SLC8A2: variants seen among roughly 807,000 people sequenced by gnomAD.
SLC8A2 encodes solute carrier family 8 member A2, also known as sodium/calcium exchanger 2.
Under a neutral mutation model 70.2 loss-of-function variants are expected in SLC8A2, and 14 were observed. The observed-to-expected ratio is 0.20, with a 90% confidence interval of 0.13 to 0.31. SLC8A2 has a LOEUF of 0.31. Ranked by LOEUF, SLC8A2 falls within the 10% of genes least tolerant of loss-of-function variation. The pLI is 1.00. For missense variants in SLC8A2, 779 were observed against 1,320.1 expected, an observed-to-expected ratio of 0.59 and a Z score of 6.35; for synonymous variants, 575 against 594.3, an observed-to-expected ratio of 0.97 and a Z score of 0.47.
chr19:47,436,214 C>T (rs1041208201), intron 8 of SLC8A2, among the ~76,000 whole-genome samples: 2 of 152,176 alleles, frequency 1.3e-5, no homozygotes, highest in Non-Finnish European at 2.9e-5. Context: ...GCCACCCCCT[C>T]CAGGAAGCCC....
At chr19:47,470,960 C>T (rs1386816440) in intron 1 of SLC8A2, among the ~76,000 whole-genome samples, 7 of 151,622 alleles carry the variant, frequency 4.6e-5, no homozygotes. Context: ...GCCCACTCTG[C>T]GGGTGGGGGG....
intron 1 of SLC8A2, among the ~76,000 whole-genome samples, chr19:47,470,348 T>TACACAC (rs71180846): frequency 0.059 from 8,285 of 139,318 alleles, 283 homozygotes; most frequent in Middle Eastern, 0.12. Flanking sequence ...GGAGACATCA[T>TACACAC]ACACACACAC....
chr19:47,466,885 C>T lies in SLC8A2; in HGVS notation c.-16-466G>A, dbSNP rs1368125020. 6.6e-6 allele frequency among the ~76,000 whole-genome samples: 1 copy of T among 151,904 alleles called. No individual in the cohort carries two copies. Among genetic ancestry groups the T allele is most frequent in the Middle Eastern group, 3.4e-3 (1 of 294 alleles). On this transcript the variant is annotated intron_variant, in intron 1 of 9. Coordinates refer to ENST00000236877, the MANE Select transcript of SLC8A2 (RefSeq NM_015063.3). This position sits in a 1 kb window ranked among gnomAD's most constrained non-coding sequence, Gnocchi z 6.9. The stretch of plus-strand genomic sequence containing the variant: ...CAGCCTGGCCAACATGGTGAAACCC[C>T]GTCTCTACTAAAAATACAAAAATTA...
rs1464346035 is a variant in SLC8A2 at position 47,466,594 on chromosome 19, AG to A, written c.-16-176del. Among the ~76,000 whole-genome samples, 136 of 152,110 alleles carry A rather than the reference AG, an allele frequency of 8.9e-4. 2 individuals carry two copies. Among genetic ancestry groups the A allele is most frequent in the Admixed American group, 1.9e-3 (29 of 15,278 alleles). ...GTGACAGACAGAGACCCACAGAGAG[AG>A]AGAGAGACTGAAAGATAAGGACAGA... On this transcript the variant is annotated intron_variant, in intron 1 of 9. Transcript: ENST00000236877. The surrounding 1 kb of genome is among the most constrained non-coding windows in gnomAD (Gnocchi z 6.9).
chr19:47,444,194 C>A (rs111252260), intron 4 of SLC8A2, among the ~76,000 whole-genome samples: 1 of 152,098 alleles, frequency 6.6e-6, no homozygotes, highest in Admixed American at 6.6e-5. Flanking sequence ...GCACCTGGCC[C>A]GCCCTTCTTT....
chr19:47,446,083 C>T (rs987178516), intron 4 of SLC8A2, among the ~76,000 whole-genome samples: 8 of 152,066 alleles, frequency 5.3e-5, no homozygotes, highest in African/African-American at 1.4e-4. Context: ...GAGGGAGAGA[C>T]GGAGAGACAG....
intron 3 of SLC8A2, among the ~76,000 whole-genome samples, chr19:47,452,408 G>A (rs1474821408): frequency 2.2e-4 from 13 of 60,374 alleles, no homozygotes; most frequent in African/African-American, 7.5e-4. Flanking sequence ...GAGAGAGAGA[G>A]AGAGAGAGAG....
chr19:47,452,437 A>T (rs1195668683), intron 3 of SLC8A2, among the ~76,000 whole-genome samples: 15 of 87,322 alleles, frequency 1.7e-4, no homozygotes, highest in African/African-American at 5.0e-4. Flanking sequence ...AGAGAGAGAG[A>T]GAGAGAGAGT....
intron 3 of SLC8A2, among the ~76,000 whole-genome samples, chr19:47,452,431 AGAGAGAGAGAGAGAGTGTGTGTGT>A (rs1350561999): frequency 8.5e-5 from 9 of 105,576 alleles, no homozygotes; most frequent in Admixed American, 3.2e-4. Flanking sequence ...AGAGAGAGAG[AGAGAGAGAGAGAGAGTGTGTGTGT>A]GTGTGTGTGT....
chr19:47,460,248 G>A (rs936963371), intron 2 of SLC8A2, among the ~76,000 whole-genome samples: 5 of 152,200 alleles, frequency 3.3e-5, no homozygotes, highest in Admixed American at 1.3e-4. Context: ...CACAGCCAGG[G>A]CAGCTCTGAG....
At chr19:47,460,276 C>T (rs1213308154) in intron 2 of SLC8A2, among the ~76,000 whole-genome samples, 2 of 152,214 alleles carry the variant, frequency 1.3e-5, no homozygotes, top group Non-Finnish European at 2.9e-5. Flanking sequence ...CCTGGCTTTA[C>T]CACAGGGATG....
chr19:47,459,891 A>G (rs570040625), intron 2 of SLC8A2, among the ~76,000 whole-genome samples: 7 of 152,250 alleles, frequency 4.6e-5, no homozygotes, highest in African/African-American at 1.7e-4. Flanking sequence ...CCAGCTGCCC[A>G]GGTGCCAGGA....
chr19:47,458,893 A>G (rs1599857469), intron 2 of SLC8A2, among the ~76,000 whole-genome samples: 1 of 135,046 alleles, frequency 7.4e-6, no homozygotes, highest in Admixed American at 7.6e-5. Flanking sequence ...CTCTCTCCCC[A>G]TCTCTCTCTC....
Position 47,457,404 on chromosome 19 carries a change from G to A in SLC8A2, c.866C>T (p.Ala289Val). ...GCCGCCCAGCTCACCTGGGGCCTCG[G>A]CGCCCACGAACGTGCCGTCCAGCTC... ...SIELDGTFVG[A>V]EAPGELGGLG... The change falls in exon 3 of 10, where the codon GCC becomes GTC. Residue 289 changes from alanine (A) to valine (V), a missense_variant. Ala to Val is a moderately conservative substitution (Grantham distance 64). Coordinates refer to ENST00000236877, the MANE Select transcript of SLC8A2 (RefSeq NM_015063.3). 1 of 1,572,432 alleles carries A rather than the reference G, an allele frequency of 6.4e-7. No homozygotes were observed. Among genetic ancestry groups the A allele is most frequent in the Non-Finnish European group, 8.6e-7 (1 of 1,161,806 alleles).
At position 47,447,495 on chromosome 19, in the gene SLC8A2, C is replaced by G. The variant is rs1967179614; in HGVS notation, c.1763+314G>C. Reference sequence around the variant, plus strand: ...TCACAGTCACAACCCCACCAGGCCCCGCCCACGTGGTAGACACAGCACACC... The same window carrying G: ...TCACAGTCACAACCCCACCAGGCCCGGCCCACGTGGTAGACACAGCACACC... On this transcript the variant is annotated intron_variant, in intron 4 of 9. Coordinates refer to ENST00000236877, the MANE Select transcript of SLC8A2 (RefSeq NM_015063.3). The surrounding 1 kb of genome is among the most constrained non-coding windows in gnomAD (Gnocchi z 5.1). The G allele has an allele frequency of 4.7e-6, 2 of 428,766 alleles. No homozygotes were observed. Among genetic ancestry groups the G allele is most frequent in the Non-Finnish European group, 8.3e-6 (2 of 239,590 alleles). The allele number at this position is 428,766 out of a possible 1,614,324, so 26.6% of individuals were successfully genotyped here. A position where few individuals can be genotyped will look rare whatever the true frequency, so the allele number is the denominator to read the frequency against.
intron 6 of SLC8A2, 70 bp from the exon 7 acceptor site, chr19:47,438,043 C>A: frequency 1.3e-6 from 2 of 1,586,586 alleles, no homozygotes; most frequent in Non-Finnish European, 1.7e-6. Context: ...GCCTTTACTA[C>A]CTGTCCCCAT....
rs1966938352 is a variant in SLC8A2 at position 47,430,259 on chromosome 19, C to T, written c.2596G>A (p.Ala866Thr). 6.2e-7 allele frequency: 1 copy of T among 1,612,280 alleles called. No individual in the cohort carries two copies. The highest frequency in any genetic ancestry group is 1.1e-5 in the South Asian group (1 of 90,960). ...AGCAGCACGGCAATGCCCACGAAGG[C>T]GAAGACGGTGAAGAGCGTGACGGAG... The part of the protein sequence containing the change: ...AFSVTLFTVF[A>T]FVGIAVLLYR... The change falls in exon 10 of 10, where the codon GCC becomes ACC. Residue 866 changes from alanine to threonine, a missense_variant. Ala to Thr is a moderately conservative substitution (Grantham distance 58, BLOSUM62 0). Coordinates refer to ENST00000236877, the MANE Select transcript of SLC8A2 (RefSeq NM_015063.3). The surrounding 1 kb of genome is among the most constrained non-coding windows in gnomAD (Gnocchi z 5.9).
At chr19:47,464,009 G>T (rs183486013) in intron 2 of SLC8A2, among the ~76,000 whole-genome samples, 1 of 152,194 alleles carries the variant, frequency 6.6e-6, no homozygotes, top group Non-Finnish European at 1.5e-5. Context: ...CAGGTGCATG[G>T]ATCAAACTCT....
intron 3 of SLC8A2, among the ~76,000 whole-genome samples, chr19:47,452,397 GGAGAGAGAGAGAGAGAGAGA>G (rs56184564): frequency 1.6e-3 from 105 of 65,488 alleles, no homozygotes; most frequent in South Asian, 4.0e-3. Flanking sequence ...ATATATATAT[GGAGAGAGAGAGAGAGAGAGA>G]GAGAGAGAGA....
Sources: gnomAD v4.1 joint callset for allele counts (sites outside exome capture counted in the v4.1 genomes callset) on GRCh38, gnomAD v4.1.1 for gene constraint, Gnocchi (gnomAD v3.1) non-coding constraint, MANE v1.5 for transcripts, NCBI Gene and HGNC (gene_info 2026-07-23, HGNC 2026-07-21) for gene names.